Variants in ATP2C2 observed in about 807,000 individuals in gnomAD.
ATP2C2 encodes calcium-transporting ATPase type 2C member 2.
A neutral mutation model predicts 110.8 loss-of-function variants in ATP2C2; 171 were observed. The observed-to-expected ratio is 1.54, with a 90% CI of 1.36 to 1.75. ATP2C2 has a LOEUF of 1.75. Ranked by LOEUF, ATP2C2 falls within the 40% of genes most tolerant of loss-of-function variation. ATP2C2 has a pLI of 0.00. For synonymous variants in ATP2C2, 804 were observed against 508.4 expected (o/e 1.58, Z -7.82); for missense variants, 1,963 against 1,235.0 (o/e 1.59, Z -8.84).
chr16:84,393,078 C>T lies in ATP2C2; in HGVS notation c.100-5421C>T, dbSNP rs1233658790. On this transcript the variant is annotated intron_variant, in intron 1 of 26. Transcript: ENST00000262429. Reference sequence around the variant, plus strand: ...GTCATGGCAATGTCCTGATCAGCAGCGGGCACGGGCCCACTTGGAGAGAAG... The same window carrying T: ...GTCATGGCAATGTCCTGATCAGCAGTGGGCACGGGCCCACTTGGAGAGAAG... 3.9e-5 allele frequency among the ~76,000 whole-genome samples: 6 copies of T among 152,214 alleles called. No homozygotes were observed. The South Asian group carries it at 8.3e-4, about 21-fold the overall frequency.
At chr16:84,446,494 C>A in intron 16 of ATP2C2, 64 bp downstream of exon 16, 2 of 1,166,208 alleles carry the variant, frequency 1.7e-6, no homozygotes, top group Non-Finnish European at 1.2e-6. Context: ...AGAGATAAAG[C>A]AAAATGCAGA....
At chr16:84,429,391 G>T (rs1908066462) in intron 11 of ATP2C2, among the ~76,000 whole-genome samples, 1 of 152,106 alleles carries the variant, frequency 6.6e-6, no homozygotes, top group African/African-American at 2.4e-5. Flanking sequence ...GACCTCAGGT[G>T]ATCCACCTGC....
chr16:84,455,050 A>C, intron 21 of ATP2C2, 66 bp downstream of exon 21: 6 of 1,246,090 alleles, frequency 4.8e-6, no homozygotes, highest in Non-Finnish European at 4.5e-6. Flanking sequence ...TCTCCCTGGA[A>C]CCTGCTACTG....
At chr16:84,420,770 T>C (rs1907260680) in intron 7 of ATP2C2, among the ~76,000 whole-genome samples, 1 of 152,150 alleles carries the variant, frequency 6.6e-6, no homozygotes, top group Non-Finnish European at 1.5e-5. Flanking sequence ...TGACAGTTTC[T>C]GATGTTCCTT....
rs537804087 is a variant in ATP2C2 at position 84,376,515 on chromosome 16, T to C, written c.99+7801T>C. Among the ~76,000 whole-genome samples, 145 of 149,708 alleles carry C rather than the reference T, an allele frequency of 9.7e-4. 2 individuals carry two copies. The highest frequency in any genetic ancestry group is 3.5e-3 in the African/African-American group (143 of 41,216). The stretch of plus-strand genomic sequence containing the variant: ...CAAATTTGTCAACTTTCTTAACACA[T>C]TATGAGATTTTTTTTGGCAATTTTT... On this transcript the variant is annotated intron_variant, in intron 1 of 26. Transcript: ENST00000262429.
Position 84,460,723 on chromosome 16 carries a change from CAGCAG to C in ATP2C2, c.2407_2411del (p.Arg803ProfsTer26), listed in dbSNP as rs768989415. 1 of 1,614,208 alleles carries C rather than the reference CAGCAG, an allele frequency of 6.2e-7. No individual in the cohort carries two copies. Among genetic ancestry groups the C allele is most frequent in the South Asian group, 1.1e-5 (1 of 91,084 alleles). ...CACGGAGTGTGCGGGACACCATCCT[CAGCAG>C]AGCCCTCATCCTGAAGATCCTCATG... is the stretch of plus-strand genomic sequence containing the variant. On this transcript the variant is annotated frameshift_variant, in exon 24 of 27. Coordinates refer to ENST00000262429, the MANE Select transcript of ATP2C2 (RefSeq NM_014861.4). LOFTEE classifies it high-confidence loss of function.
intron 7 of ATP2C2, among the ~76,000 whole-genome samples, chr16:84,418,481 C>A (rs1051674788): frequency 6.6e-6 from 1 of 152,190 alleles, no homozygotes; most frequent in East Asian, 1.9e-4. Context: ...CATATGAAGA[C>A]AACGAATATT....
chr16:84,415,420 A>G lies in ATP2C2; in HGVS notation c.516-63A>G, dbSNP rs559173173. The G allele has an allele frequency of 3.6e-5, 47 of 1,323,180 alleles. 1 individual carries two copies. The South Asian group carries it at 5.1e-4, about 14-fold the overall frequency. 82.0% of individuals were successfully genotyped at this position (1,323,180 alleles called of 1,614,324 possible). The stretch of plus-strand genomic sequence containing the variant: ...GTTTCTATTCTCCTTGTTCAAATGT[A>G]TCAAGGTGCATAAAAACAAATGTCA... On this transcript the variant is annotated intron_variant, in intron 6 of 26. Transcript: ENST00000262429.
intron 1 of ATP2C2, among the ~76,000 whole-genome samples, chr16:84,389,751 A>T (rs1219528093): frequency 8.7e-5 from 10 of 115,066 alleles, no homozygotes; most frequent in Non-Finnish European, 1.4e-4. Flanking sequence ...GATGGAGTTT[A>T]GCTCTGTCAC....
chr16:84,405,630 C>T (rs1047348672), intron 3 of ATP2C2, among the ~76,000 whole-genome samples: 9 of 152,148 alleles, frequency 5.9e-5, no homozygotes, highest in African/African-American at 2.2e-4. Flanking sequence ...TGTTAAATTT[C>T]AATTTCAGGC....
intron 2 of ATP2C2, among the ~76,000 whole-genome samples, chr16:84,398,928 A>C (rs1321028614): frequency 1.3e-5 from 2 of 152,262 alleles, no homozygotes; most frequent in East Asian, 3.8e-4. Flanking sequence ...CACAGAAAGT[A>C]GCACAGTCCA....
intron 1 of ATP2C2, among the ~76,000 whole-genome samples, chr16:84,376,488 C>T (rs1461440992): frequency 6.6e-6 from 1 of 151,994 alleles, no homozygotes; most frequent in African/African-American, 2.4e-5. Context: ...TGCAGCCCAA[C>T]ACAAATTTGT....
intron 1 of ATP2C2, among the ~76,000 whole-genome samples, chr16:84,385,311 G>C (rs748203974): frequency 6.6e-6 from 1 of 152,114 alleles, no homozygotes; most frequent in Non-Finnish European, 1.5e-5. Flanking sequence ...ACATTCGCGA[G>C]GACAGTACTA....
chr16:84,387,250 G>T (rs116428863), intron 1 of ATP2C2, among the ~76,000 whole-genome samples: 1 of 152,154 alleles, frequency 6.6e-6, no homozygotes, highest in African/African-American at 2.4e-5. Context: ...GGCCAGGTGC[G>T]GTGGCTCGTG....
intron 11 of ATP2C2, among the ~76,000 whole-genome samples, chr16:84,437,625 C>A (rs552656606): frequency 6.6e-6 from 1 of 152,152 alleles, no homozygotes; most frequent in African/African-American, 2.4e-5. Flanking sequence ...AAGCAATTCT[C>A]CTGCCTCAGC....
chr16:84,444,744 C>A (rs1909591292), intron 15 of ATP2C2, among the ~76,000 whole-genome samples: 1 of 151,350 alleles, frequency 6.6e-6, no homozygotes, highest in African/African-American at 2.4e-5. Flanking sequence ...GAAGAGATTT[C>A]CTTGATGTGT....
chr16:84,412,356 G>GTATGTGTGCA (rs1555557497), intron 6 of ATP2C2, among the ~76,000 whole-genome samples: 2 of 149,060 alleles, frequency 1.3e-5, no homozygotes, highest in Non-Finnish European at 3.0e-5. Context: ...GTCTGCGTGC[G>GTATGTGTGCA]TGTGTGCATG....
intron 7 of ATP2C2, among the ~76,000 whole-genome samples, chr16:84,421,462 A>G (rs1241562527): frequency 1.3e-5 from 2 of 152,196 alleles, no homozygotes; most frequent in African/African-American, 4.8e-5. Flanking sequence ...TTTGAGAATC[A>G]TTGATCTAGC....
intron 23 of ATP2C2, chr16:84,459,851 C>A (rs773622586): frequency 6.9e-5 from 28 of 406,780 alleles, no homozygotes; most frequent in Non-Finnish European, 7.4e-5. Flanking sequence ...GTTTGTGTTT[C>A]ATCCCTGATG....
Sources: gnomAD v4.1 joint callset for allele counts (sites outside exome capture counted in the v4.1 genomes callset) on GRCh38, gnomAD v4.1.1 for gene constraint, MANE v1.5 for transcripts, NCBI Gene and HGNC (gene_info 2026-07-23, HGNC 2026-07-21) for gene names.